Variants in KCNJ15 observed in about 807,000 individuals in gnomAD.
The protein encoded by KCNJ15 is potassium inwardly rectifying channel subfamily J member 15.
In KCNJ15, 14 loss-of-function variants were observed where a neutral mutation model predicts 23.0. The observed-to-expected ratio is 0.61, with a 90% CI of 0.40 to 0.95. The LOEUF is 0.95. Among genes scored for constraint, KCNJ15 ranks in the 40% least tolerant of loss-of-function variants. The probability of loss-of-function intolerance (pLI) is 0.00; values close to 1 mark genes in which losing one functional copy is unlikely to be tolerated. For synonymous variants in KCNJ15, 185 were observed against 183.2 expected (o/e 1.01, Z -0.08); for missense variants, 388 against 461.8 (o/e 0.84, Z 1.46).
rs531401835 is a variant in KCNJ15, at chr21:38,299,183, C to T, written c.-18-61C>T. 6.5e-4 allele frequency: 816 copies of T among 1,261,838 alleles called. No individual in the cohort carries two copies. Among genetic ancestry groups the T allele is most frequent in the South Asian group, 1.5e-3 (108 of 70,912 alleles). 78.2% of individuals were successfully genotyped at this position (1,261,838 alleles called of 1,614,324 possible). A position where few individuals can be genotyped will look rare whatever the true frequency, so the allele number is the denominator to read the frequency against. On this transcript the variant is annotated intron_variant, in intron 2 of 2. Transcript: ENST00000398938. This position sits in a 1 kb window ranked among gnomAD's most constrained non-coding sequence, Gnocchi z 4.5. ...TTCATACTTACTTCACATGATGATT[C>T]TATTTTCTGGAAGTTCCACCACATA...
rs74838161 is a variant in KCNJ15 at position 38,301,806 on chromosome 21, T to C, written c.*1417T>C. 6.0e-6 allele frequency: 1 copy of C among 167,082 alleles called. No homozygotes were observed. Among genetic ancestry groups the C allele is most frequent in the African/African-American group, 2.4e-5 (1 of 41,456 alleles). The allele number at this position is 167,082 out of a possible 1,614,324, so 10.3% of individuals were successfully genotyped here. A position where few individuals can be genotyped will look rare whatever the true frequency, so the allele number is the denominator to read the frequency against. On this transcript the variant is annotated 3_prime_UTR_variant, in exon 3 of 3. Coordinates refer to ENST00000398938, the MANE Select transcript of KCNJ15 (RefSeq NM_170736.3). ...TTTGAGGCAAAAAATAAATGGGCTA[T>C]GACTGGTTAAATGTCCAAAAGGTGA... is the stretch of plus-strand genomic sequence containing the variant.
chr21:38,289,400 T>G (rs1338328663), intron 1 of KCNJ15, among the ~76,000 whole-genome samples: 1 of 152,074 alleles, frequency 6.6e-6, no homozygotes, highest in Non-Finnish European at 1.5e-5. Context: ...AAATAGTGAG[T>G]GAGATTCCAC....
chr21:38,237,607 G>C (rs1048061605), intron 1 of KCNJ15, among the ~76,000 whole-genome samples: 7 of 152,038 alleles, frequency 4.6e-5, no homozygotes, highest in Non-Finnish European at 7.4e-5. Flanking sequence ...GGAGGTGAGC[G>C]GGGGGGCAGG....
chr21:38,299,801 C>T lies in KCNJ15; in HGVS notation c.540C>T (p.Phe180=). 1 of 1,614,112 alleles carries T rather than the reference C, an allele frequency of 6.2e-7. No individual in the cohort carries two copies. Among genetic ancestry groups the T allele is most frequent in the East Asian group, 2.2e-5 (1 of 44,878 alleles). ...RPKKRAETIK[F]SHCAVITKQN... is the part of the protein sequence containing the mutation. ...AAAAGCGGGCTGAGACCATCAAGTT[C>T]AGCCACTGTGCAGTCATCACCAAGC... The change falls in exon 3 of 3, where the codon TTC becomes TTT. Residue 180 remains phenylalanine, a synonymous_variant. Transcript: ENST00000398938. This position sits in a 1 kb window ranked among gnomAD's most constrained non-coding sequence, Gnocchi z 4.5.
chr21:38,254,350 T>C (rs935892716), upstream of KCNJ15, among the ~76,000 whole-genome samples: 1 of 152,194 alleles, frequency 6.6e-6, no homozygotes. Context: ...TGTTGACATA[T>C]CACCAAATGA....
At chr21:38,293,340 C>T (rs1012416431) in intron 1 of KCNJ15, among the ~76,000 whole-genome samples, 5 of 152,154 alleles carry the variant, frequency 3.3e-5, no homozygotes, top group African/African-American at 1.2e-4. Context: ...GCTGTTCACA[C>T]TCCATTGGCC....
intron 1 of KCNJ15, among the ~76,000 whole-genome samples, chr21:38,273,191 T>A (rs1982286228): frequency 6.6e-6 from 1 of 152,176 alleles, no homozygotes. Context: ...AGTGACAAGA[T>A]TTTTGCAATA....
chr21:38,298,942 G>A (rs1478882467), intron 2 of KCNJ15, among the ~76,000 whole-genome samples: 1 of 148,264 alleles, frequency 6.7e-6, no homozygotes, highest in East Asian at 1.9e-4. Context: ...CTGAGGAATA[G>A]GTTGTATTGC....
At chr21:38,281,159 G>A (rs1342031837) in intron 1 of KCNJ15, among the ~76,000 whole-genome samples, 1 of 152,088 alleles carries the variant, frequency 6.6e-6, no homozygotes, top group Non-Finnish European at 1.5e-5. Flanking sequence ...ATCAGTATTG[G>A]TGTGAAGCAA....
In KCNJ15 at chr21:38,288,938, G is replaced by A. The variant is rs553094936; in HGVS notation, c.-116-7988G>A. On this transcript the variant is annotated intron_variant, in intron 1 of 2. Transcript: ENST00000398938. ...CATTAAGCCGGGCGCGGTGGCTCAC[G>A]CCTGTAATCTCATCACTTTGGGAGG... Among the ~76,000 whole-genome samples, 4 of 152,218 alleles carry A rather than the reference G, an allele frequency of 2.6e-5. No individual in the cohort carries two copies. In the South Asian group the frequency reaches 6.2e-4, roughly 24 times the overall value.
rs374248006 is a variant in KCNJ15, at chr21:38,292,946, G to A, written c.-116-3980G>A. The stretch of plus-strand genomic sequence containing the variant: ...ATTGTGCCACTGCACTCCAGCCTGC[G>A]TGACAGAGTGAGATGCTGTCTCAAA... On this transcript the variant is annotated intron_variant, in intron 1 of 2. Coordinates refer to ENST00000398938, the MANE Select transcript of KCNJ15 (RefSeq NM_170736.3). 1.6e-4 allele frequency among the ~76,000 whole-genome samples: 23 copies of A among 147,918 alleles called. No homozygotes were observed. The South Asian group carries it at 1.7e-3, about 11-fold the overall frequency.
Position 38,301,700 on chromosome 21 carries a change from C to T in KCNJ15, c.*1311C>T, listed in dbSNP as rs559830394. The T allele has an allele frequency of 6.0e-6, 1 of 166,886 alleles. No homozygotes were observed. Among genetic ancestry groups the T allele is most frequent in the Non-Finnish European group, 1.5e-5 (1 of 68,076 alleles). The allele number at this position is 166,886 out of a possible 1,614,324, so 10.3% of individuals were successfully genotyped here. On this transcript the variant is annotated 3_prime_UTR_variant, in exon 3 of 3. Transcript: ENST00000398938. ...AAAATCTCAAGCCTGTAAAGAATACCCCTGCTATTTAAATAAAGCTCATAC... is the reference window on the plus strand; with the variant it reads ...AAAATCTCAAGCCTGTAAAGAATACTCCTGCTATTTAAATAAAGCTCATAC...
chr21:38,255,629 G>A (rs1254804363), upstream of KCNJ15, among the ~76,000 whole-genome samples: 1 of 152,162 alleles, frequency 6.6e-6, no homozygotes, highest in Non-Finnish European at 1.5e-5. Flanking sequence ...AACAGAAATG[G>A]AATGATTTAT....
intron 1 of KCNJ15, among the ~76,000 whole-genome samples, chr21:38,251,521 G>A (rs1182633306): frequency 3.9e-5 from 6 of 152,118 alleles, no homozygotes; most frequent in Non-Finnish European, 8.8e-5. Context: ...AGAGAGAGGC[G>A]GGCACTTCAT....
chr21:38,236,232 G>A (rs1033263433), intron 1 of KCNJ15, among the ~76,000 whole-genome samples: 31 of 152,208 alleles, frequency 2.0e-4, no homozygotes, highest in African/African-American at 7.5e-4. Flanking sequence ...GTACCTGGCT[G>A]ACATGATTTT....
chr21:38,247,505 G>A (rs1360367562), intron 1 of KCNJ15, among the ~76,000 whole-genome samples: 1 of 148,464 alleles, frequency 6.7e-6, no homozygotes, highest in Non-Finnish European at 1.5e-5. Flanking sequence ...TAAATGGATG[G>A]TTGGATAGAT....
intron 1 of KCNJ15, among the ~76,000 whole-genome samples, chr21:38,245,995 A>G (rs1037485435): frequency 6.6e-6 from 1 of 152,242 alleles, no homozygotes; most frequent in Non-Finnish European, 1.5e-5. Flanking sequence ...TGGGCAAGTG[A>G]CTTAATTCAA....
At chr21:38,241,470 G>A (rs1978989064) in intron 1 of KCNJ15, among the ~76,000 whole-genome samples, 1 of 152,202 alleles carries the variant, frequency 6.6e-6, no homozygotes, top group Admixed American at 6.5e-5. Context: ...CAGAGGCCTG[G>A]GACAGCACGG....
chr21:38,233,359 T>C (rs1307785228), intron 1 of KCNJ15, among the ~76,000 whole-genome samples: 1 of 152,114 alleles, frequency 6.6e-6, no homozygotes, highest in African/African-American at 2.4e-5. Flanking sequence ...TAGCTGAATC[T>C]TGTTTTTTTA....
Sources: gnomAD v4.1 joint callset for allele counts (sites outside exome capture counted in the v4.1 genomes callset) on GRCh38, gnomAD v4.1.1 for gene constraint, Gnocchi (gnomAD v3.1) non-coding constraint, MANE v1.5 for transcripts, NCBI Gene and HGNC (gene_info 2026-07-23, HGNC 2026-07-21) for gene names.